Variants in WNT9A observed in about 807,000 individuals in gnomAD.
WNT9A encodes the protein Wnt family member 9A.
WNT9A carries 8 observed loss-of-function variants against 31.4 expected under a neutral mutation model. That is an observed-to-expected ratio of 0.26 (90% confidence interval 0.15 to 0.46). The LOEUF is 0.46. Among genes scored for constraint, WNT9A ranks in the 20% least tolerant of loss-of-function variants. The pLI is 0.99. For missense variants in WNT9A, 457 were observed against 522.9 expected (o/e 0.87, Z 1.23); for synonymous variants, 236 against 220.1 (o/e 1.07, Z -0.64).
chr1:227,944,433 C>G (rs1309576321), intron 1 of WNT9A, among the ~76,000 whole-genome samples: 4 of 152,220 alleles, frequency 2.6e-5, no homozygotes, highest in African/African-American at 7.2e-5. Context: ...TGGAATTAAA[C>G]AGTGGTGAGA....
chr1:227,919,853 AAC>A lies in WNT9A; in HGVS notation c.*1663_*1664del, dbSNP rs71559823. On this transcript the variant is annotated 3_prime_UTR_variant, in exon 4 of 4. Transcript: ENST00000272164. ...ACCACGCCAGCACACACACTCTCAC[AAC>A]ACACACACACACTACACCCTCAAAC... is the stretch of plus-strand genomic sequence containing the variant. 7 of 150,974 alleles carry A rather than the reference AAC, an allele frequency of 4.6e-5. No individual in the cohort carries two copies. Among genetic ancestry groups the A allele is most frequent in the South Asian group, 2.1e-4 (1 of 4,810 alleles). The allele number at this position is 150,974 out of a possible 1,614,324, so 9.4% of individuals were successfully genotyped here.
intron 1 of WNT9A, among the ~76,000 whole-genome samples, chr1:227,940,134 T>C (rs1666668586): frequency 6.6e-6 from 1 of 152,158 alleles, no homozygotes; most frequent in Non-Finnish European, 1.5e-5. Flanking sequence ...CCTGTCTGTG[T>C]CTGCAGCATC....
At chr1:227,937,189 G>A (rs554287673) in intron 1 of WNT9A, among the ~76,000 whole-genome samples, 1 of 152,330 alleles carries the variant, frequency 6.6e-6, no homozygotes, top group South Asian at 2.1e-4. Flanking sequence ...GGTTTCCCGA[G>A]CCTTGCAGCC....
intron 1 of WNT9A, among the ~76,000 whole-genome samples, chr1:227,934,453 G>T (rs1417032159): frequency 6.6e-6 from 1 of 152,156 alleles, no homozygotes; most frequent in African/African-American, 2.4e-5. Context: ...TTTGTCTGAA[G>T]AATCTGTAGG....
In WNT9A at chr1:227,942,195, C is replaced by T. The variant is rs891025538; in HGVS notation, c.95+5598G>A. ...CCAGCTGTCTCCCCAACCAGACGTC[C>T]GCCGGCTGTGGACAGGACATCTGCT... is the stretch of plus-strand genomic sequence containing the variant. On this transcript the variant is annotated intron_variant, in intron 1 of 3. Transcript: ENST00000272164. This position sits in a 1 kb window ranked among gnomAD's most constrained non-coding sequence, Gnocchi z 5.7. Among the ~76,000 whole-genome samples, 21 of 152,124 alleles carry T rather than the reference C, an allele frequency of 1.4e-4. No individual in the cohort carries two copies. The highest frequency in any genetic ancestry group is 5.2e-4 in the Admixed American group (8 of 15,284).
intron 1 of WNT9A, among the ~76,000 whole-genome samples, chr1:227,947,163 T>C (rs1265231002): frequency 6.6e-6 from 1 of 152,050 alleles, no homozygotes; most frequent in East Asian, 1.9e-4. Flanking sequence ...GCACGGGCAA[T>C]GACACCGCGG....
intron 1 of WNT9A, among the ~76,000 whole-genome samples, chr1:227,936,418 C>T (rs1234257865): frequency 6.6e-6 from 1 of 152,180 alleles, no homozygotes; most frequent in African/African-American, 2.4e-5. Flanking sequence ...TCTCAAATTC[C>T]TAACCTCAGG....
chr1:227,936,362 T>G (rs1666595393), intron 1 of WNT9A, among the ~76,000 whole-genome samples: 1 of 152,130 alleles, frequency 6.6e-6, no homozygotes, highest in African/African-American at 2.4e-5. Context: ...GCTAATTTTT[T>G]TGTATTTTTA....
intron 1 of WNT9A, among the ~76,000 whole-genome samples, chr1:227,929,321 T>C (rs1666470879): frequency 6.6e-6 from 1 of 152,208 alleles, no homozygotes. Context: ...ACAAATCAAA[T>C]GTCTGATGGG....
intron 1 of WNT9A, among the ~76,000 whole-genome samples, chr1:227,946,619 A>AG (rs1268821729): frequency 1.3e-5 from 2 of 152,264 alleles, no homozygotes; most frequent in Non-Finnish European, 2.9e-5. Context: ...CCCAGAAGAA[A>AG]GGAACAGAGA....
In WNT9A at chr1:227,925,835, C is replaced by T. The variant is rs961709543; in HGVS notation, c.96-316G>A. Among the ~76,000 whole-genome samples, 4 of 152,134 alleles carry T rather than the reference C, an allele frequency of 2.6e-5. No homozygotes were observed. Among genetic ancestry groups the T allele is most frequent in the Admixed American group, 6.5e-5 (1 of 15,286 alleles). On this transcript the variant is annotated intron_variant, in intron 1 of 3. Coordinates refer to ENST00000272164, the MANE Select transcript of WNT9A (RefSeq NM_003395.4). This position sits in a 1 kb window ranked among gnomAD's most constrained non-coding sequence, Gnocchi z 6.0. ...ACAGATAAGACCCCCACAACACACA[C>T]AACATACGCAAGAGGACAGCCCCGC...
chr1:227,947,834 C>A lies in WNT9A; in HGVS notation c.54G>T (p.Thr18=), dbSNP rs1197734040. The A allele has an allele frequency of 1.8e-6, 2 of 1,092,440 alleles. No homozygotes were observed. Among genetic ancestry groups the A allele is most frequent in the Non-Finnish European group, 2.2e-6 (2 of 899,710 alleles). 67.7% of individuals were successfully genotyped at this position (1,092,440 alleles called of 1,614,324 possible). Residue 18 remains threonine, a synonymous_variant, in exon 1 of 4, where the codon ACG becomes ACT. Coordinates refer to ENST00000272164, the MANE Select transcript of WNT9A (RefSeq NM_003395.4). ...AAGGGCGCAGCGCGGCGAGCAGCAG[C>A]GTCAGCCCGAAGGCCGCGGCCAGCC... is the stretch of plus-strand genomic sequence containing the variant. The part of the protein sequence containing the change: ...ARWLAAAFGL[T]LLLAALRPSA...
intron 1 of WNT9A, among the ~76,000 whole-genome samples, chr1:227,930,603 T>G (rs1286391375): frequency 6.6e-6 from 1 of 152,236 alleles, no homozygotes; most frequent in Non-Finnish European, 1.5e-5. Flanking sequence ...GCAGCCGCCA[T>G]CCTGGTCTTG....
chr1:227,941,900 C>T (rs947499616), intron 1 of WNT9A, among the ~76,000 whole-genome samples: 2 of 152,090 alleles, frequency 1.3e-5, no homozygotes, highest in Non-Finnish European at 2.9e-5. Context: ...GTGGCGCGAC[C>T]GAGGCCTGTC....
rs553309661 is a variant in WNT9A, at chr1:227,921,771, G to A, written c.845C>T (p.Pro282Leu). 2.4e-5 allele frequency: 38 copies of A among 1,612,280 alleles called. No homozygotes were observed. The highest frequency in any genetic ancestry group is 6.6e-5 in the South Asian group (6 of 91,052). The part of the protein sequence containing the change: ...GRASGAGGSD[P>L]LPRTPELVHL... ...CACCAGCTCTGGAGTGCGGGGCAGCGGGTCGCTGCCACCTGCCCCCGAGGC... is the reference window on the plus strand; with the variant it reads ...CACCAGCTCTGGAGTGCGGGGCAGCAGGTCGCTGCCACCTGCCCCCGAGGC... Residue 282 changes from proline to leucine, a missense_variant, in exon 4 of 4, where the codon CCG becomes CTG. Transcript: ENST00000272164.
Position 227,942,321 on chromosome 1 carries a change from G to C in WNT9A, c.95+5472C>G, listed in dbSNP as rs956293607. 6.6e-6 allele frequency among the ~76,000 whole-genome samples: 1 copy of C among 152,192 alleles called. No homozygotes were observed. The highest frequency in any genetic ancestry group is 1.9e-4 in the East Asian group (1 of 5,188). On this transcript the variant is annotated intron_variant, in intron 1 of 3. Transcript: ENST00000272164. The surrounding 1 kb of genome is among the most constrained non-coding windows in gnomAD (Gnocchi z 5.7). ...CCCCCAAGCAGGTGGGGCAGGGAGA[G>C]GCTGGGGGTTCCAAGGCCCCTGGGT...
In WNT9A at chr1:227,920,179, GCCCACCACGTGGCAGTGGCTGGCT is replaced by G. The variant is rs1666286790; in HGVS notation, c.*1315_*1338del. On this transcript the variant is annotated 3_prime_UTR_variant, in exon 4 of 4. Transcript: ENST00000272164. ...GGTGCAGGGCAGGGGCCGCCGGCTG[GCCCACCACGTGGCAGTGGCTGGCT>G]GGCATGGGGCTGGGGGAGCTGGCTT... 1 of 152,304 alleles carries G rather than the reference GCCCACCACGTGGCAGTGGCTGGCT, an allele frequency of 6.6e-6. No homozygotes were observed. Among genetic ancestry groups the G allele is most frequent in the Admixed American group, 6.5e-5 (1 of 15,294 alleles). 9.4% of individuals were successfully genotyped at this position (152,304 alleles called of 1,614,324 possible).
At chr1:227,927,593 G>A (rs1445229277) in intron 1 of WNT9A, among the ~76,000 whole-genome samples, 1 of 152,164 alleles carries the variant, frequency 6.6e-6, no homozygotes, top group Admixed American at 6.5e-5. Context: ...TGGGCACACA[G>A]AGCACGGCTA....
At chr1:227,924,510 C>G (rs1666383594) in intron 2 of WNT9A, 110 bp from the exon 3 acceptor site, 1 of 1,438,150 alleles carries the variant, frequency 7.0e-7, no homozygotes, top group Non-Finnish European at 9.3e-7. Context: ...GGGCTCAGAG[C>G]ATCTTTCCTG....
Sources: gnomAD v4.1 joint callset for allele counts (sites outside exome capture counted in the v4.1 genomes callset) on GRCh38, gnomAD v4.1.1 for gene constraint, Gnocchi (gnomAD v3.1) non-coding constraint, MANE v1.5 for transcripts, NCBI Gene and HGNC (gene_info 2026-07-23, HGNC 2026-07-21) for gene names.